Variants in PDE1C observed in about 807,000 individuals in gnomAD.
The protein encoded by PDE1C is phosphodiesterase 1C.
PDE1C carries 62 observed loss-of-function variants against 93.1 expected under a neutral mutation model. The ratio of observed to expected loss-of-function variants is 0.67; its 90% CI spans 0.54 to 0.82. The LOEUF is 0.82. Among genes scored for constraint, PDE1C ranks in the 40% least tolerant of loss-of-function variants. PDE1C has a pLI of 0.00. For synonymous variants in PDE1C, 325 were observed against 310.1 expected, an observed-to-expected ratio of 1.05 and a Z score of -0.50; for missense variants, 742 against 884.6, an observed-to-expected ratio of 0.84 and a Z score of 2.04.
chr7:31,988,576 G>T (rs1048406650), intron 2 of PDE1C, among the ~76,000 whole-genome samples: 30 of 152,104 alleles, frequency 2.0e-4, no homozygotes, highest in African/African-American at 6.3e-4. Context: ...GGACCTTACT[G>T]CCTGGTGTAG....
At chr7:31,745,391 G>T in the PDE1C span, among the ~76,000 whole-genome samples, 1 of 152,214 alleles carries the variant, frequency 6.6e-6, no homozygotes, top group East Asian at 1.9e-4. Context: ...TGATCACTAC[G>T]GAGGATATAG....
the PDE1C span, among the ~76,000 whole-genome samples, chr7:31,661,862 G>A: frequency 1.5e-3 from 221 of 151,914 alleles, no homozygotes; most frequent in African/African-American, 3.8e-3. Flanking sequence ...CACATTCCCC[G>A]AGTCTCTCTC....
intron 2 of PDE1C, among the ~76,000 whole-genome samples, chr7:32,038,400 T>C (rs1392241998): frequency 6.6e-6 from 1 of 152,134 alleles, no homozygotes; most frequent in Admixed American, 6.6e-5. Flanking sequence ...AGGAAGACAT[T>C]CTGTGGCCAT....
chr7:31,721,565 C>G, the PDE1C span, among the ~76,000 whole-genome samples: 1 of 152,198 alleles, frequency 6.6e-6, no homozygotes, highest in Non-Finnish European at 1.5e-5. Flanking sequence ...TTCAGGCAGT[C>G]AGTCTGAGTA....
chr7:31,867,481 A>G (rs1184748511), intron 6 of PDE1C, among the ~76,000 whole-genome samples: 1 of 152,154 alleles, frequency 6.6e-6, no homozygotes, highest in African/African-American at 2.4e-5. Context: ...ACCTGAGGTC[A>G]GGCCCACTCA....
intron 17 of PDE1C, among the ~76,000 whole-genome samples, chr7:31,758,806 G>A (rs369841107): frequency 9.9e-5 from 15 of 152,178 alleles, no homozygotes; most frequent in African/African-American, 3.4e-4. Context: ...CTGGAGAATG[G>A]TGTAGAAAGG....
intron 16 of PDE1C, among the ~76,000 whole-genome samples, chr7:31,777,529 G>T (rs1388932721): frequency 6.6e-6 from 1 of 151,858 alleles, no homozygotes; most frequent in Non-Finnish European, 1.5e-5. Context: ...GGGTTTCACT[G>T]TGTTGGCCAG....
intron 2 of PDE1C, among the ~76,000 whole-genome samples, chr7:31,991,569 T>C (rs1784143827): frequency 6.6e-6 from 1 of 152,196 alleles, no homozygotes; most frequent in African/African-American, 2.4e-5. Flanking sequence ...GCATATGCAA[T>C]GCACCTCCGT....
At chr7:32,031,913 T>A (rs758041121) in intron 2 of PDE1C, among the ~76,000 whole-genome samples, 8 of 152,118 alleles carry the variant, frequency 5.3e-5, no homozygotes, top group Non-Finnish European at 8.8e-5. Context: ...GGAGAAGTAC[T>A]GCTTGGGGGA....
intron 1 of PDE1C, among the ~76,000 whole-genome samples, chr7:32,060,954 A>C (rs1428904310): frequency 7.2e-5 from 11 of 152,216 alleles, no homozygotes; most frequent in Non-Finnish European, 2.9e-5. Context: ...ATCCTTAGAC[A>C]AAAGTCAGAG....
chr7:31,978,945 T>G (rs1263583387), intron 2 of PDE1C, among the ~76,000 whole-genome samples: 1 of 152,176 alleles, frequency 6.6e-6, no homozygotes, highest in African/African-American at 2.4e-5. Flanking sequence ...ATTCTCAAAA[T>G]TCCTCTTGAA....
chr7:32,293,272 T>C (rs1045024861), intron 1 of PDE1C, among the ~76,000 whole-genome samples: 4 of 152,124 alleles, frequency 2.6e-5, no homozygotes, highest in Non-Finnish European at 5.9e-5. Context: ...ATGGGCATGA[T>C]AAATCTGCGT....
intron 1 of PDE1C, among the ~76,000 whole-genome samples, chr7:32,371,091 T>C (rs1784324144): frequency 6.6e-6 from 1 of 152,056 alleles, no homozygotes; most frequent in African/African-American, 2.4e-5. Context: ...TCACATCACA[T>C]CACCCTTACT....
At chr7:31,865,170 C>A in intron 6 of PDE1C, 88 bp from the exon 7 acceptor site, 2 of 1,319,718 alleles carry the variant, frequency 1.5e-6, no homozygotes, top group Non-Finnish European at 1.1e-6. Flanking sequence ...ACTGCTTTTT[C>A]TCTGAAGGCA....
At chr7:31,642,189 C>T in the PDE1C span, 7 of 1,560,636 alleles carry the variant, frequency 4.5e-6, no homozygotes, top group Non-Finnish European at 6.1e-6. Flanking sequence ...CCAGGGTGGA[C>T]AGAGCAAATA....
chr7:31,813,922 C>A (rs1787874912), intron 15 of PDE1C, among the ~76,000 whole-genome samples: 1 of 152,046 alleles, frequency 6.6e-6, no homozygotes, highest in African/African-American at 2.4e-5. Flanking sequence ...GTTTTCCATT[C>A]CTGAGTTAAT....
At chr7:32,426,186 G>C (rs964526901) in intron 1 of PDE1C, among the ~76,000 whole-genome samples, 1 of 151,140 alleles carries the variant, frequency 6.6e-6, no homozygotes, top group Non-Finnish European at 1.5e-5. Flanking sequence ...CCTTACTCTT[G>C]TACTATATTT....
chr7:31,715,582 AC>A, the PDE1C span, among the ~76,000 whole-genome samples: 3 of 152,272 alleles, frequency 2.0e-5, no homozygotes, highest in African/African-American at 7.2e-5. Flanking sequence ...TCATAGAATA[AC>A]CCTCTCTGTA....
the PDE1C span, among the ~76,000 whole-genome samples, chr7:31,633,125 T>TCTGC: frequency 6.6e-6 from 1 of 152,198 alleles, no homozygotes; most frequent in South Asian, 2.1e-4. Context: ...GACCTCGTGA[T>TCTGC]CTGCCTGCCT....
Sources: gnomAD v4.1 joint callset for allele counts (sites outside exome capture counted in the v4.1 genomes callset) on GRCh38, gnomAD v4.1.1 for gene constraint, MANE v1.5 for transcripts, NCBI Gene and HGNC (gene_info 2026-07-23, HGNC 2026-07-21) for gene names.